TNPO3: variants seen among roughly 807,000 people sequenced by gnomAD.
The protein encoded by TNPO3 is transportin 3, also known as transportin-3.
In TNPO3, 65 loss-of-function variants were observed where a neutral mutation model predicts 122.8. The observed-to-expected ratio is 0.53, with a 90% CI of 0.43 to 0.65. The LOEUF (loss-of-function observed/expected upper bound fraction) is 0.65. TNPO3 is among the 30% of genes least tolerant of loss of function. The pLI is 0.00. For missense variants in TNPO3, 850 were observed against 1,136.7 expected (o/e 0.75, Z 3.63); for synonymous variants, 372 against 411.2 (o/e 0.90, Z 1.15).
At chr7:128,985,327 G>T (rs191480312) in intron 12 of TNPO3, among the ~76,000 whole-genome samples, 7 of 152,328 alleles carry the variant, frequency 4.6e-5, no homozygotes, top group Non-Finnish European at 1.0e-4. Context: ...AGGTGTGGTG[G>T]CTCATGCCTG....
chr7:129,000,934 A>G, intron 6 of TNPO3, 125 bp downstream of exon 6: 1 of 1,149,298 alleles, frequency 8.7e-7, no homozygotes, highest in Non-Finnish European at 1.2e-6. Context: ...CATCTTTAGG[A>G]AGCACTATCT....
At chr7:128,997,834 CTTTATT>C (rs958723361) in intron 7 of TNPO3, among the ~76,000 whole-genome samples, 22 of 151,960 alleles carry the variant, frequency 1.4e-4, no homozygotes, top group Middle Eastern at 3.4e-3. Context: ...ACATGGAAGT[CTTTATT>C]TTTATTTATT....
intron 1 of TNPO3, among the ~76,000 whole-genome samples, chr7:129,044,793 C>T (rs1318419767): frequency 6.6e-6 from 1 of 151,964 alleles, no homozygotes; most frequent in African/African-American, 2.4e-5. Context: ...TATGGCAGTT[C>T]CCCCAAATAA....
chr7:129,003,959 C>T (rs892802616), intron 5 of TNPO3, among the ~76,000 whole-genome samples: 3 of 152,134 alleles, frequency 2.0e-5, no homozygotes, highest in Non-Finnish European at 2.9e-5. Context: ...AAAAGTGGGA[C>T]ATGACTTTAT....
intron 1 of TNPO3, among the ~76,000 whole-genome samples, chr7:129,043,361 T>C (rs544580429): frequency 8.7e-4 from 132 of 152,262 alleles, no homozygotes; most frequent in African/African-American, 2.8e-3. Context: ...GCTGTGATCC[T>C]GCCACTGCAC....
intron 20 of TNPO3, 36 bp from the exon 21 acceptor site, chr7:128,967,428 A>G (rs765779045): frequency 7.1e-7 from 1 of 1,415,584 alleles, no homozygotes; most frequent in East Asian, 2.3e-5. Flanking sequence ...TTTAAAAGGA[A>G]GCATAGCTTA....
intron 1 of TNPO3, among the ~76,000 whole-genome samples, chr7:129,040,969 A>G (rs1202468999): frequency 6.6e-6 from 1 of 152,216 alleles, no homozygotes; most frequent in Non-Finnish European, 1.5e-5. Flanking sequence ...GGCTACTGCT[A>G]AGTACATCGT....
intron 21 of TNPO3, among the ~76,000 whole-genome samples, chr7:128,958,279 G>T (rs1177922272): frequency 6.6e-6 from 1 of 151,842 alleles, no homozygotes; most frequent in Non-Finnish European, 1.5e-5. Context: ...CAGTAGCTGG[G>T]ATCACAGGTG....
At chr7:129,000,923 G>GC in intron 6 of TNPO3, 136 bp downstream of exon 6, 1 of 1,038,542 alleles carries the variant, frequency 9.6e-7, no homozygotes, top group Non-Finnish European at 1.4e-6. Flanking sequence ...GCATAGTAGA[G>GC]CATCTTTAGG....
At chr7:128,980,222 A>T (rs1799489249) in intron 14 of TNPO3, among the ~76,000 whole-genome samples, 191 bp from the exon 15 acceptor site, 1 of 152,200 alleles carries the variant, frequency 6.6e-6, no homozygotes, top group Non-Finnish European at 1.5e-5. Context: ...GCCACCTTTA[A>T]GTCACTTCCA....
chr7:129,039,339 A>G (rs1320728250), intron 1 of TNPO3, among the ~76,000 whole-genome samples: 1 of 152,174 alleles, frequency 6.6e-6, no homozygotes. Flanking sequence ...AGGCAGGAGG[A>G]TCGCTTGAGC....
Position 129,054,906 on chromosome 7 carries a change from T to G in TNPO3, c.-136A>C. On this transcript the variant is annotated 5_prime_UTR_variant, in exon 1 of 23. Transcript: ENST00000265388. ...GGCGCCATCTCCTCCTCTTTGGCCG[T>G]TACCAGGGCAGAAGGCTCTCCGTGG... The G allele has an allele frequency of 8.4e-7, 1 of 1,197,582 alleles. No individual in the cohort carries two copies. Among genetic ancestry groups the G allele is most frequent in the Non-Finnish European group, 1.2e-6 (1 of 850,846 alleles). 74.2% of individuals were successfully genotyped at this position (1,197,582 alleles called of 1,614,324 possible).
rs1801470008 is a variant in TNPO3 at position 128,997,607 on chromosome 7, C to T, written c.1012-72G>A. On this transcript the variant is annotated intron_variant, in intron 7 of 22. Transcript: ENST00000265388. ...ATAAGAAGACATTTTATTATCACCA[C>T]GACCATATAGGAAGAAAGATATATT... 7.8e-6 allele frequency: 10 copies of T among 1,281,210 alleles called. No homozygotes were observed. The East Asian group carries it at 9.4e-5, about 12-fold the overall frequency. 79.4% of individuals were successfully genotyped at this position (1,281,210 alleles called of 1,614,324 possible).
At position 128,972,507 on chromosome 7, in the gene TNPO3, A is replaced by T. The variant is rs750213869; in HGVS notation, c.2349T>A (p.Ser783=). The T allele has an allele frequency of 1.9e-6, 3 of 1,614,108 alleles. No individual in the cohort carries two copies. Among genetic ancestry groups the T allele is most frequent in the East Asian group, 2.2e-5 (1 of 44,884 alleles). ...VIPILQWAIA[S]TTLDHRDANC... ...TGGCATCCCGGTGGTCCAGGGTAGT[A>T]GAGGCAATGGCCCACTGTAAGATAG... is the stretch of plus-strand genomic sequence containing the variant. The change falls in exon 19 of 23, where the codon TCT becomes TCA. Residue 783 remains serine (S), a synonymous_variant. Transcript: ENST00000265388.
chr7:128,979,168 C>T, intron 15 of TNPO3, 45 bp from the exon 16 acceptor site: 1 of 1,606,780 alleles, frequency 6.2e-7, no homozygotes, highest in Non-Finnish European at 8.5e-7. Flanking sequence ...TAATCAACAA[C>T]TAGGACCTGA....
chr7:128,977,876 G>A (rs3778747), intron 16 of TNPO3, among the ~76,000 whole-genome samples: 4,067 of 152,154 alleles, frequency 0.027, 99 homozygotes, highest in East Asian at 0.065. Context: ...GATTACAGGC[G>A]TGAGGCACTG....
chr7:129,007,061 G>A (rs192030705), intron 4 of TNPO3, among the ~76,000 whole-genome samples: 3 of 152,238 alleles, frequency 2.0e-5, no homozygotes, highest in Admixed American at 2.0e-4. Flanking sequence ...TGAAAAATAA[G>A]CTGACCAGTC....
In TNPO3 at chr7:128,979,067, T is replaced by G. The variant is rs772404385; in HGVS notation, c.1977A>C (p.Val659=). 2 of 1,614,236 alleles carry G rather than the reference T, an allele frequency of 1.2e-6. No homozygotes were observed. Among genetic ancestry groups the G allele is most frequent in the Admixed American group, 3.3e-5 (2 of 60,024 alleles). The change falls in exon 16 of 23, where the codon GTA becomes GTC. Residue 659 remains valine (V), a synonymous_variant. Transcript: ENST00000265388. ...AGCGCAGGCACCTGCAACAACGCTC[T>G]ACAATCCGATTATCAGCTCGGTGCT... ...LNKHRADNRI[V]ERCCRCLRFA... is the part of the protein sequence containing the mutation.
chr7:129,002,039 A>T (rs1166625043), intron 5 of TNPO3, among the ~76,000 whole-genome samples: 1 of 152,216 alleles, frequency 6.6e-6, no homozygotes, highest in Admixed American at 6.5e-5. Flanking sequence ...AGAGAGGAGG[A>T]GGTAATAGTA....
Sources: gnomAD v4.1 joint callset for allele counts (sites outside exome capture counted in the v4.1 genomes callset) on GRCh38, gnomAD v4.1.1 for gene constraint, MANE v1.5 for transcripts, NCBI Gene and HGNC (gene_info 2026-07-23, HGNC 2026-07-21) for gene names.